The following ADGB variants were observed in gnomAD, a reference collection of about 807,000 sequenced individuals.
ADGB encodes calpain-7-like protein.
In ADGB, 172 loss-of-function variants were observed where a neutral mutation model predicts 210.5. The ratio of observed to expected loss-of-function variants is 0.82; its 90% confidence interval spans 0.72 to 0.93. ADGB has a LOEUF of 0.93. Among genes scored for constraint, ADGB ranks in the 40% least tolerant of loss-of-function variants. The probability of loss-of-function intolerance (pLI) is 0.00; values close to 1 mark genes in which losing one functional copy is unlikely to be tolerated. For synonymous variants in ADGB, 658 were observed against 662.7 expected (o/e 0.99, Z 0.11); for missense variants, 2,025 against 1,964.8 (o/e 1.03, Z -0.58).
chr6:146,624,268 C>T (rs995191180), intron 1 of ADGB, among the ~76,000 whole-genome samples: 12 of 151,878 alleles, frequency 7.9e-5, no homozygotes, highest in Admixed American at 6.6e-4. Context: ...CAGAGATATT[C>T]ATATCTCCAA....
chr6:146,738,849 G>C (rs1777119640), intron 23 of ADGB, among the ~76,000 whole-genome samples: 1 of 151,962 alleles, frequency 6.6e-6, no homozygotes, highest in Non-Finnish European at 1.5e-5. Context: ...TGCATTGTGG[G>C]GCCTATCATA....
chr6:146,648,568 T>C (rs1016099432), intron 3 of ADGB, among the ~76,000 whole-genome samples: 3 of 151,934 alleles, frequency 2.0e-5, no homozygotes, highest in Non-Finnish European at 2.9e-5. Flanking sequence ...GGGAAGTGCA[T>C]ATACTTTTAT....
rs1243218282 is a variant in ADGB at position 146,815,215 on chromosome 6, T to C, written c.5002T>C (p.Ter1668GlnextTer21). ...GAAAAAAAAGAAAGGAAAGAAAAAG[T>C]AACCAGGGGATGTCCAATACTACCC... ...TQKKKKGKKK[*>Q] is the part of the protein sequence containing the mutation. Residue 1668 changes from the stop codon to glutamine, a stop_lost, in exon 36 of 36, where the codon TAA becomes CAA. Coordinates refer to ENST00000397944, the MANE Select transcript of ADGB (RefSeq NM_024694.4). The C allele has an allele frequency of 6.6e-7, 1 of 1,503,908 alleles. No individual in the cohort carries two copies. The highest frequency in any genetic ancestry group is 2.5e-5 in the East Asian group (1 of 39,794). 93.2% of individuals were successfully genotyped at this position (1,503,908 alleles called of 1,614,324 possible). A position where few individuals can be genotyped will look rare whatever the true frequency, so the allele number is the denominator to read the frequency against.
intron 1 of ADGB, among the ~76,000 whole-genome samples, chr6:146,634,759 A>T (rs1461759816): frequency 2.0e-5 from 3 of 152,082 alleles, no homozygotes; most frequent in Non-Finnish European, 4.4e-5. Flanking sequence ...TGCAATAAGA[A>T]CAACCACCAT....
chr6:146,649,943 T>C (rs1191817445), intron 3 of ADGB, among the ~76,000 whole-genome samples: 1 of 152,206 alleles, frequency 6.6e-6, no homozygotes, highest in Non-Finnish European at 1.5e-5. Context: ...CACATACATA[T>C]ACCTAAACAT....
intron 1 of ADGB, among the ~76,000 whole-genome samples, chr6:146,635,037 T>G (rs1018174195): frequency 6.6e-6 from 1 of 152,032 alleles, no homozygotes; most frequent in Non-Finnish European, 1.5e-5. Flanking sequence ...GATATATAGA[T>G]GGGATTCTAT....
At chr6:146,673,365 T>C (rs114793621) in intron 8 of ADGB, among the ~76,000 whole-genome samples, 1,916 of 152,232 alleles carry the variant, frequency 0.013, 27 homozygotes, top group African/African-American at 0.036. Context: ...CTTGTTATTC[T>C]TAAGATGGAG....
intron 25 of ADGB, among the ~76,000 whole-genome samples, chr6:146,743,640 G>A (rs1016657591): frequency 9.2e-5 from 14 of 152,196 alleles, no homozygotes; most frequent in Admixed American, 9.2e-4. Flanking sequence ...AAGGCCGGGC[G>A]CAGTGGCTCA....
intron 33 of ADGB, among the ~76,000 whole-genome samples, chr6:146,796,792 C>A (rs1778049721): frequency 6.6e-6 from 1 of 151,684 alleles, no homozygotes; most frequent in Non-Finnish European, 1.5e-5. Flanking sequence ...ACCCCTTAGG[C>A]AAAGATTTCA....
At chr6:146,809,328 T>C (rs1182948860) in intron 35 of ADGB, among the ~76,000 whole-genome samples, 2 of 152,170 alleles carry the variant, frequency 1.3e-5, no homozygotes, top group Non-Finnish European at 2.9e-5. Context: ...TGCCTCAGAC[T>C]CCTGAATAGC....
Position 146,598,994 on chromosome 6 carries a change from G to A in ADGB, c.-47G>A, listed in dbSNP as rs751316404. The A allele has an allele frequency of 2.0e-6, 3 of 1,512,088 alleles. No individual in the cohort carries two copies. Among genetic ancestry groups the A allele is most frequent in the East Asian group, 4.9e-5 (2 of 40,632 alleles). 93.7% of individuals were successfully genotyped at this position (1,512,088 alleles called of 1,614,324 possible). A position where few individuals can be genotyped will look rare whatever the true frequency, so the allele number is the denominator to read the frequency against. ...CGCAGACGCGGAGCCGAGCGCGCCC[G>A]CAGGCTCTTTGCTCAGAGCTCAGCC... is the stretch of plus-strand genomic sequence containing the variant. On this transcript the variant is annotated 5_prime_UTR_variant, in exon 1 of 36. Transcript: ENST00000397944.
Position 146,691,127 on chromosome 6 carries a change from T to C in ADGB, c.1323T>C (p.Ala441=). 6.5e-7 allele frequency: 1 copy of C among 1,529,660 alleles called. No homozygotes were observed. Among genetic ancestry groups the C allele is most frequent in the Non-Finnish European group, 8.8e-7 (1 of 1,138,658 alleles). 94.8% of individuals were successfully genotyped at this position (1,529,660 alleles called of 1,614,324 possible). A position where few individuals can be genotyped will look rare whatever the true frequency, so the allele number is the denominator to read the frequency against. ...TTTCCATCTTCTAGGCAGATTCTGC[T>C]GAGAAACTTAGAGAATATGGGCTTT... The part of the protein sequence containing the change: ...IFSLEKMADS[A]EKLREYGLSH... Residue 441 remains alanine (A), a synonymous_variant, in exon 11 of 36, where the codon GCT becomes GCC. Transcript: ENST00000397944.
intron 3 of ADGB, among the ~76,000 whole-genome samples, chr6:146,646,225 C>T (rs1241456417): frequency 6.6e-6 from 1 of 151,974 alleles, no homozygotes; most frequent in African/African-American, 2.4e-5. Flanking sequence ...GCAAGATATG[C>T]CAGAGGCAGT....
intron 7 of ADGB, among the ~76,000 whole-genome samples, chr6:146,670,817 TA>T (rs113545565): frequency 6.9e-4 from 105 of 152,248 alleles, no homozygotes; most frequent in African/African-American, 2.3e-3. Context: ...AAATGAGAAT[TA>T]AAAAAAAAAT....
At chr6:146,752,400 C>T (rs1163299718) in intron 26 of ADGB, 130 bp from the exon 27 acceptor site, 20 of 758,076 alleles carry the variant, frequency 2.6e-5, no homozygotes, top group Non-Finnish European at 4.1e-5. Flanking sequence ...CACCAGGCCC[C>T]ACCTCAAACA....
chr6:146,762,596 G>A (rs182604438), intron 27 of ADGB, among the ~76,000 whole-genome samples: 9 of 152,146 alleles, frequency 5.9e-5, no homozygotes, highest in East Asian at 1.9e-4. Context: ...TATATTGTGC[G>A]TGCTACACTG....
intron 20 of ADGB, among the ~76,000 whole-genome samples, chr6:146,730,397 G>T (rs1425417876): frequency 6.6e-6 from 1 of 152,100 alleles, no homozygotes; most frequent in Non-Finnish European, 1.5e-5. Flanking sequence ...AGCAGATACA[G>T]CCCATTTCAC....
At chr6:146,803,386 C>CT (rs2114667532) in intron 35 of ADGB, 1 of 1,608,214 alleles carries the variant, frequency 6.2e-7, no homozygotes, top group East Asian at 2.2e-5. Flanking sequence ...GTCTGGTGGC[C>CT]TGCACAAGCC....
At chr6:146,718,979 A>T (rs538374983) in intron 16 of ADGB, among the ~76,000 whole-genome samples, 3 of 152,340 alleles carry the variant, frequency 2.0e-5, no homozygotes, top group African/African-American at 7.2e-5. Context: ...CCAGAGTATG[A>T]TATCAGCATA....
Sources: gnomAD v4.1 joint callset for allele counts (sites outside exome capture counted in the v4.1 genomes callset) on GRCh38, gnomAD v4.1.1 for gene constraint, MANE v1.5 for transcripts, NCBI Gene and HGNC (gene_info 2026-07-23, HGNC 2026-07-21) for gene names.